NAALADL2: variants seen among roughly 807,000 people sequenced by gnomAD.
The protein encoded by NAALADL2 is inactive N-acetylated-alpha-linked acidic dipeptidase-like protein 2.
Under a neutral mutation model 87.2 loss-of-function variants are expected in NAALADL2, and 76 were observed. The ratio of observed to expected loss-of-function variants is 0.87; its 90% CI spans 0.72 to 1.05. The LOEUF (loss-of-function observed/expected upper bound fraction) is 1.05, where lower values mean the gene tolerates loss of function less well. Among genes scored for constraint, NAALADL2 ranks in the 50% least tolerant of loss-of-function variants. The pLI is 0.00. For missense variants in NAALADL2, 1,089 were observed against 945.8 expected, an observed-to-expected ratio of 1.15 and a Z score of -1.99; for synonymous variants, 354 against 331.0, an observed-to-expected ratio of 1.07 and a Z score of -0.75.
intron 10 of NAALADL2, among the ~76,000 whole-genome samples, chr3:175,577,557 C>T (rs753527806): frequency 1.4e-4 from 22 of 152,030 alleles, no homozygotes; most frequent in South Asian, 6.2e-4. Flanking sequence ...TAAGAAGAAC[C>T]GTATTATCCT....
intron 5 of NAALADL2, among the ~76,000 whole-genome samples, chr3:175,349,051 C>A (rs1250728427): frequency 6.6e-6 from 1 of 151,908 alleles, no homozygotes; most frequent in East Asian, 1.9e-4. Context: ...GTTTCTTTTT[C>A]TTTTAATTAG....
chr3:174,772,358 A>G (rs1240602927), intron 3 of NAALADL2, among the ~76,000 whole-genome samples: 1 of 152,142 alleles, frequency 6.6e-6, no homozygotes, highest in Non-Finnish European at 1.5e-5. Flanking sequence ...ATTTTTAAAA[A>G]TTGTAGATTT....
chr3:175,542,637 G>A (rs969117138), intron 9 of NAALADL2, among the ~76,000 whole-genome samples: 1 of 152,138 alleles, frequency 6.6e-6, no homozygotes, highest in African/African-American at 2.4e-5. Flanking sequence ...TGGGATTACA[G>A]GCGTGAGCCA....
intron 4 of NAALADL2, among the ~76,000 whole-genome samples, chr3:175,278,333 T>A (rs1040214331): frequency 6.6e-6 from 1 of 152,146 alleles, no homozygotes; most frequent in African/African-American, 2.4e-5. Flanking sequence ...AATGGATGCA[T>A]CTAGTTGCAT....
At chr3:174,873,815 A>T (rs1395288278) in intron 1 of NAALADL2, among the ~76,000 whole-genome samples, 1 of 151,522 alleles carries the variant, frequency 6.6e-6, no homozygotes, top group African/African-American at 2.4e-5. Context: ...CGTGCATGCC[A>T]TTCTGCTTGG....
chr3:174,610,845 G>A (rs544675940), intron 2 of NAALADL2, among the ~76,000 whole-genome samples: 1 of 152,122 alleles, frequency 6.6e-6, no homozygotes, highest in Non-Finnish European at 1.5e-5. Context: ...AAATCATGCT[G>A]CTATAAAGAC....
intron 11 of NAALADL2, among the ~76,000 whole-genome samples, chr3:175,670,245 G>A (rs1311618180): frequency 6.6e-6 from 1 of 151,172 alleles, no homozygotes; most frequent in African/African-American, 2.4e-5. Flanking sequence ...GCTAACCCTG[G>A]GACAATCAGC....
At chr3:175,113,019 G>A (rs2108506774) in intron 2 of NAALADL2, among the ~76,000 whole-genome samples, 1 of 151,718 alleles carries the variant, frequency 6.6e-6, no homozygotes, top group Middle Eastern at 3.4e-3. Context: ...TGTTGTGAGT[G>A]TGCCTTTTTT....
chr3:175,644,038 C>T, intron 11 of NAALADL2, among the ~76,000 whole-genome samples: 1 of 152,106 alleles, frequency 6.6e-6, no homozygotes. Context: ...ATATGTCTTA[C>T]TCTGATTGCT....
chr3:174,937,661 ATAGTAGT>A (rs750536274), intron 1 of NAALADL2, among the ~76,000 whole-genome samples: 4 of 152,084 alleles, frequency 2.6e-5, no homozygotes, highest in Non-Finnish European at 4.4e-5. Flanking sequence ...TTGCCAGAAG[ATAGTAGT>A]TAGTGACTAT....
chr3:174,979,507 G>A (rs545312233), intron 1 of NAALADL2, among the ~76,000 whole-genome samples: 3 of 151,532 alleles, frequency 2.0e-5, no homozygotes, highest in African/African-American at 7.2e-5. Flanking sequence ...GGGTTTCACC[G>A]TGTTAGCCAG....
chr3:174,777,816 A>T (rs908466977), intron 3 of NAALADL2, among the ~76,000 whole-genome samples: 2 of 152,064 alleles, frequency 1.3e-5, no homozygotes, highest in African/African-American at 4.8e-5. Flanking sequence ...CCACATATAC[A>T]TGCATAAGCA....
At chr3:175,340,113 A>G (rs1475838527) in intron 5 of NAALADL2, among the ~76,000 whole-genome samples, 1 of 152,150 alleles carries the variant, frequency 6.6e-6, no homozygotes, top group East Asian at 1.9e-4. Flanking sequence ...CAGGATAGGA[A>G]CCATTTTGGT....
intron 13 of NAALADL2, among the ~76,000 whole-genome samples, chr3:175,784,377 C>T (rs938316791): frequency 5.3e-5 from 8 of 151,322 alleles, no homozygotes; most frequent in African/African-American, 1.9e-4. Context: ...GCCACAATTT[C>T]AGCTCCTGTT....
At chr3:175,087,461 T>C (rs929971031) in intron 1 of NAALADL2, among the ~76,000 whole-genome samples, 1 of 152,124 alleles carries the variant, frequency 6.6e-6, no homozygotes, top group African/African-American at 2.4e-5. Context: ...TTTTGTCGAA[T>C]AGAAAAAGGG....
At chr3:174,749,594 T>G (rs1248816879) in intron 3 of NAALADL2, among the ~76,000 whole-genome samples, 1 of 152,186 alleles carries the variant, frequency 6.6e-6, no homozygotes, top group East Asian at 1.9e-4. Flanking sequence ...CCTCCATACT[T>G]GGGCTGTCAT....
chr3:175,434,176 C>A (rs181697346), intron 5 of NAALADL2, among the ~76,000 whole-genome samples: 2 of 151,972 alleles, frequency 1.3e-5, no homozygotes, highest in East Asian at 3.9e-4. Flanking sequence ...ACATTCACCT[C>A]AAATTTAGAT....
chr3:174,556,749 T>C (rs1712878023), intron 2 of NAALADL2, among the ~76,000 whole-genome samples: 1 of 152,180 alleles, frequency 6.6e-6, no homozygotes, highest in East Asian at 1.9e-4. Context: ...AATACATTTT[T>C]TTTTTTCTAG....
chr3:174,676,279 C>T (rs902799513), intron 2 of NAALADL2, among the ~76,000 whole-genome samples: 2 of 151,936 alleles, frequency 1.3e-5, no homozygotes, highest in African/African-American at 2.4e-5. Flanking sequence ...GAACACTGGC[C>T]GCTTCATTGT....
Sources: gnomAD v4.1 joint callset for allele counts (sites outside exome capture counted in the v4.1 genomes callset) on GRCh38, gnomAD v4.1.1 for gene constraint, MANE v1.5 for transcripts, NCBI Gene and HGNC (gene_info 2026-07-23, HGNC 2026-07-21) for gene names.